Variants in MBOAT1 observed in about 807,000 individuals in gnomAD.
MBOAT1 encodes the protein membrane-bound glycerophospholipid O-acyltransferase 1.
MBOAT1 carries 67 observed loss-of-function variants against 64.4 expected under a neutral mutation model. The ratio of observed to expected loss-of-function variants is 1.04; its 90% confidence interval spans 0.85 to 1.27. The LOEUF (loss-of-function observed/expected upper bound fraction) is 1.27, where lower values mean the gene tolerates loss of function less well. Ranked by LOEUF, MBOAT1 falls within the 50% of genes most tolerant of loss-of-function variation. MBOAT1 has a pLI of 0.00. For synonymous variants in MBOAT1, 229 were observed against 218.9 expected, an observed-to-expected ratio of 1.05 and a Z score of -0.41; for missense variants, 563 against 604.6, an observed-to-expected ratio of 0.93 and a Z score of 0.72.
At chr6:20,198,755 T>A (rs1450089047) in intron 1 of MBOAT1, among the ~76,000 whole-genome samples, 1 of 152,210 alleles carries the variant, frequency 6.6e-6, no homozygotes, top group Non-Finnish European at 1.5e-5. Flanking sequence ...TCATAAAAAG[T>A]CGTAAGCAGT....
chr6:20,162,400 G>A (rs549431465), intron 1 of MBOAT1, among the ~76,000 whole-genome samples: 5 of 152,300 alleles, frequency 3.3e-5, no homozygotes, highest in African/African-American at 1.2e-4. Flanking sequence ...ACTACAGACA[G>A]CACCAGAGAG....
At chr6:20,209,381 C>T (rs1471899416) in intron 1 of MBOAT1, among the ~76,000 whole-genome samples, 6 of 152,166 alleles carry the variant, frequency 3.9e-5, no homozygotes, top group Non-Finnish European at 8.8e-5. Context: ...ATAGTCCTAA[C>T]CACACACAGG....
intron 1 of MBOAT1, among the ~76,000 whole-genome samples, chr6:20,178,309 T>C (rs1282473326): frequency 6.6e-6 from 1 of 152,188 alleles, no homozygotes; most frequent in Non-Finnish European, 1.5e-5. Flanking sequence ...TGCTACTAGT[T>C]AGTCCCCAGG....
intron 8 of MBOAT1, among the ~76,000 whole-genome samples, chr6:20,122,319 C>T (rs1281602518): frequency 6.6e-6 from 1 of 152,144 alleles, no homozygotes; most frequent in Non-Finnish European, 1.5e-5. Flanking sequence ...TGAACCTTCC[C>T]TAGTGACCAG....
At chr6:20,162,686 C>T (rs1330648244) in intron 1 of MBOAT1, among the ~76,000 whole-genome samples, 1 of 152,188 alleles carries the variant, frequency 6.6e-6, no homozygotes, top group Non-Finnish European at 1.5e-5. Context: ...TCAATGGCCC[C>T]AAAACCCTCA....
At chr6:20,160,946 A>G (rs1761836138) in intron 1 of MBOAT1, among the ~76,000 whole-genome samples, 1 of 152,196 alleles carries the variant, frequency 6.6e-6, no homozygotes, top group African/African-American at 2.4e-5. Flanking sequence ...ATCAATGTAC[A>G]CAATTTATTG....
intron 10 of MBOAT1, among the ~76,000 whole-genome samples, chr6:20,113,285 G>C (rs1980430): frequency 6.6e-6 from 1 of 152,060 alleles, no homozygotes; most frequent in African/African-American, 2.4e-5. Flanking sequence ...CCATCACACT[G>C]TATCTGTTAC....
At chr6:20,169,128 C>T (rs1762120027) in intron 1 of MBOAT1, among the ~76,000 whole-genome samples, 1 of 152,058 alleles carries the variant, frequency 6.6e-6, no homozygotes, top group Non-Finnish European at 1.5e-5. Context: ...GCCATATACG[C>T]TCTCCTGTAT....
In MBOAT1 at chr6:20,102,307, A is replaced by T. The variant is rs754829060; in HGVS notation, c.1467T>A (p.Ile489=). ...TQRRPQTLNS[I]NKRKTD ...GGTATCAATCTGTTTTTCTCTTATTAATAGAGTTCAGAGTCTGAGGCCGCC... is the reference window on the plus strand; with the variant it reads ...GGTATCAATCTGTTTTTCTCTTATTTATAGAGTTCAGAGTCTGAGGCCGCC... The change falls in exon 13 of 13, where the codon ATT becomes ATA. Residue 489 remains isoleucine, a synonymous_variant. Coordinates refer to ENST00000324607, the MANE Select transcript of MBOAT1 (RefSeq NM_001080480.3). 2.5e-6 allele frequency: 4 copies of T among 1,613,722 alleles called. No individual in the cohort carries two copies. Among genetic ancestry groups the T allele is most frequent in the Non-Finnish European group, 3.4e-6 (4 of 1,179,886 alleles).
chr6:20,128,416 A>G (rs998231559), intron 6 of MBOAT1, among the ~76,000 whole-genome samples: 4 of 152,058 alleles, frequency 2.6e-5, no homozygotes, highest in African/African-American at 7.2e-5. Flanking sequence ...GCAGAGGTAC[A>G]GTTCTATTTA....
chr6:20,186,310 T>A (rs1581454561), intron 1 of MBOAT1, among the ~76,000 whole-genome samples: 1 of 152,344 alleles, frequency 6.6e-6, no homozygotes, highest in Non-Finnish European at 1.5e-5. Context: ...GGAGGCAGTG[T>A]CTTCACCTGC....
Position 20,124,545 on chromosome 6 carries a change from G to A in MBOAT1, c.770C>T (p.Thr257Met), listed in dbSNP as rs375314120. The change falls in exon 8 of 13, where the codon ACG becomes ATG. Residue 257 changes from threonine to methionine, a missense_variant. Coordinates refer to ENST00000324607, the MANE Select transcript of MBOAT1 (RefSeq NM_001080480.3). ...ITLVSLLLFL[T>M]LTKTFPVTCL... is the part of the protein sequence containing the mutation. The stretch of plus-strand genomic sequence containing the variant: ...GGTGACAGGAAAGGTCTTCGTTAGC[G>A]TCAAAAACAAAAGGAGAGACACCAA... The A allele has an allele frequency of 1.3e-4, 209 of 1,614,180 alleles. 1 individual carries two copies. The South Asian group carries it at 1.3e-3, about 10-fold the overall frequency.
At position 20,201,824 on chromosome 6, in the gene MBOAT1, C is replaced by T. The variant is rs370179395; in HGVS notation, c.99+10312G>A. Among the ~76,000 whole-genome samples the T allele has an allele frequency of 9.9e-5, 15 of 152,178 alleles. No homozygotes were observed. In the South Asian group the frequency reaches 2.9e-3, roughly 29 times the overall value. On this transcript the variant is annotated intron_variant, in intron 1 of 12. Transcript: ENST00000324607. ...CTCAAACTCCTGACCTCAAGTGATC[C>T]ACCCACCGTGGCCTCTCCAAGTGCT...
intron 1 of MBOAT1, among the ~76,000 whole-genome samples, chr6:20,194,186 A>G (rs1031632858): frequency 6.6e-6 from 1 of 152,208 alleles, no homozygotes; most frequent in Non-Finnish European, 1.5e-5. Flanking sequence ...ATTTACAGAA[A>G]AATTATTAGA....
At chr6:20,160,987 AC>A (rs1761837650) in intron 1 of MBOAT1, among the ~76,000 whole-genome samples, 1 of 151,900 alleles carries the variant, frequency 6.6e-6, no homozygotes, top group African/African-American at 2.4e-5. Flanking sequence ...GGGGTTCCCA[AC>A]CCCCCGGGCC....
At chr6:20,111,869 CATATATATATGTATATATATAT>C (rs1760173622) in intron 11 of MBOAT1, among the ~76,000 whole-genome samples, 2 of 124,324 alleles carry the variant, frequency 1.6e-5, no homozygotes, top group Non-Finnish European at 1.6e-5. Flanking sequence ...CATATATATA[CATATATATATGTATATATATAT>C]ATTCCAGCAC....
At chr6:20,176,663 G>A (rs146088328) in intron 1 of MBOAT1, among the ~76,000 whole-genome samples, 8 of 152,020 alleles carry the variant, frequency 5.3e-5, no homozygotes, top group Non-Finnish European at 1.0e-4. Context: ...TCACTCTGTC[G>A]CCCAGGCTGG....
intron 1 of MBOAT1, among the ~76,000 whole-genome samples, chr6:20,195,851 C>T (rs761741097): frequency 4.6e-5 from 7 of 152,148 alleles, no homozygotes; most frequent in Non-Finnish European, 7.3e-5. Context: ...GCATTTTTCC[C>T]TGGGGTATAT....
rs116096791 is a variant in MBOAT1, at chr6:20,212,127, T to C, written c.99+9A>G. On this transcript the variant is annotated intron_variant, in intron 1 of 12. Coordinates refer to ENST00000324607, the MANE Select transcript of MBOAT1 (RefSeq NM_001080480.3). Reference sequence around the variant, plus strand: ...AGCTGGGGTCGCTGCGCTCCCGGCCTGCAGTTACCTGGTCCAGCGGGATGC... The same window carrying C: ...AGCTGGGGTCGCTGCGCTCCCGGCCCGCAGTTACCTGGTCCAGCGGGATGC... 0.026 allele frequency: 42,631 copies of C among 1,612,124 alleles called. 1,087 individuals carry two copies. Among genetic ancestry groups the C allele is most frequent in the African/African-American group, 0.13 (9,874 of 74,936 alleles).
Sources: allele counts gnomAD v4.1 joint callset (sites outside exome capture counted in the v4.1 genomes callset), GRCh38; gene constraint gnomAD v4.1.1; transcripts MANE v1.5; gene names NCBI Gene and HGNC (gene_info 2026-07-23, HGNC 2026-07-21).